DUSP10: variants seen among roughly 807,000 people sequenced by gnomAD.
DUSP10 encodes dual specificity protein phosphatase 10.
A neutral mutation model predicts 30.8 loss-of-function variants in DUSP10; 14 were observed. The ratio of observed to expected loss-of-function variants is 0.46; its 90% confidence interval spans 0.30 to 0.71. The LOEUF (loss-of-function observed/expected upper bound fraction) is 0.71. DUSP10 is among the 30% of genes least tolerant of loss of function. The pLI, the probability that DUSP10 is intolerant of heterozygous loss-of-function variation, is 0.08. For synonymous variants in DUSP10, 254 were observed against 250.4 expected, an observed-to-expected ratio of 1.01 and a Z score of -0.14; for missense variants, 550 against 619.4, an observed-to-expected ratio of 0.89 and a Z score of 1.19.
At chr1:221,705,347 G>T (rs945482060) in intron 3 of DUSP10, among the ~76,000 whole-genome samples, 7 of 152,132 alleles carry the variant, frequency 4.6e-5, no homozygotes, top group African/African-American at 1.7e-4. Context: ...CTGACCTCAG[G>T]TGATCCACCC....
At position 221,739,217 on chromosome 1, in the gene DUSP10, G is replaced by A. The variant is rs1406572567; in HGVS notation, c.528C>T (p.Asp176=). ...HLPSQGPVII[D]CRPFMEYNKS... ...TGTTGTACTCCATGAAGGGCCTGCA[G>A]TCAATGATGACAGGGCCCTGACTCG... Residue 176 remains aspartate, a synonymous_variant, in exon 2 of 4, where the codon GAC becomes GAT. Coordinates refer to ENST00000366899, the MANE Select transcript of DUSP10 (RefSeq NM_007207.6). 5.6e-6 allele frequency: 9 copies of A among 1,614,108 alleles called. No homozygotes were observed. The highest frequency in any genetic ancestry group is 7.6e-6 in the Non-Finnish European group (9 of 1,180,054).
At chr1:221,736,776 C>G in intron 2 of DUSP10, 1 of 979,036 alleles carries the variant, frequency 1.0e-6, no homozygotes, top group Non-Finnish European at 1.2e-6. Context: ...CACTCCTGAA[C>G]TACATATTTT....
At chr1:221,718,178 C>T (rs1042500872) in intron 2 of DUSP10, among the ~76,000 whole-genome samples, 3 of 151,962 alleles carry the variant, frequency 2.0e-5, no homozygotes, top group Non-Finnish European at 4.4e-5. Context: ...AAAAGGCAAG[C>T]GCAGTAAGCC....
intron 2 of DUSP10, among the ~76,000 whole-genome samples, chr1:221,732,994 C>G (rs1661662107): frequency 6.6e-6 from 1 of 152,208 alleles, no homozygotes. Context: ...TAGAATTTCT[C>G]TCCTTAATAT....
chr1:221,734,391 G>A (rs1661703619), intron 2 of DUSP10, among the ~76,000 whole-genome samples: 1 of 152,140 alleles, frequency 6.6e-6, no homozygotes, highest in African/African-American at 2.4e-5. Flanking sequence ...TTAGGCCATA[G>A]CAACACACAC....
chr1:221,730,157 G>A (rs1661540092), intron 2 of DUSP10, among the ~76,000 whole-genome samples: 1 of 151,854 alleles, frequency 6.6e-6, no homozygotes, highest in South Asian at 2.1e-4. Context: ...CTCAATGGTA[G>A]TGAAGCTCAG....
chr1:221,735,441 C>T (rs146091581), intron 2 of DUSP10, among the ~76,000 whole-genome samples: 253 of 152,202 alleles, frequency 1.7e-3, no homozygotes, highest in Non-Finnish European at 2.8e-3. Context: ...CAAGTGTTTA[C>T]GAGTGAAAAT....
chr1:221,717,661 T>C (rs1661148661), intron 2 of DUSP10, among the ~76,000 whole-genome samples: 1 of 152,122 alleles, frequency 6.6e-6, no homozygotes, highest in Non-Finnish European at 1.5e-5. Context: ...CGTGAGGTCA[T>C]GAGGGTAGGG....
At chr1:221,703,219 GTA>G (rs113205295) in intron 3 of DUSP10, among the ~76,000 whole-genome samples, 4,245 of 149,264 alleles carry the variant, frequency 0.028, 150 homozygotes, top group African/African-American at 0.083. Context: ...GTGTGTGTGT[GTA>G]TATATATATA....
intron 2 of DUSP10, among the ~76,000 whole-genome samples, chr1:221,707,830 A>C (rs1021248989): frequency 1.3e-5 from 2 of 152,230 alleles, no homozygotes; most frequent in African/African-American, 2.4e-5. Context: ...AAAGCTAAGT[A>C]AAAAACATTG....
At chr1:221,730,409 A>T (rs7511666) in intron 2 of DUSP10, among the ~76,000 whole-genome samples, 3,539 of 152,246 alleles carry the variant, frequency 0.023, 137 homozygotes, top group African/African-American at 0.081. Context: ...GCAATGGACA[A>T]CAGATGCCTG....
At chr1:221,718,705 A>G (rs1240954515) in intron 2 of DUSP10, among the ~76,000 whole-genome samples, 2 of 152,250 alleles carry the variant, frequency 1.3e-5, no homozygotes, top group Non-Finnish European at 2.9e-5. Context: ...CCCACTGTAC[A>G]AAAGGAAAAC....
At chr1:221,736,157 G>A (rs1239256083) in intron 2 of DUSP10, among the ~76,000 whole-genome samples, 1 of 152,132 alleles carries the variant, frequency 6.6e-6, no homozygotes, top group African/African-American at 2.4e-5. Context: ...TACTAAAATG[G>A]CAAGTTAGCA....
At chr1:221,731,898 C>A (rs923024727) in intron 2 of DUSP10, among the ~76,000 whole-genome samples, 14 of 151,874 alleles carry the variant, frequency 9.2e-5, no homozygotes, top group Non-Finnish European at 1.9e-4. Context: ...TGAGCCACCA[C>A]ACCCGGCTGG....
chr1:221,725,270 C>T (rs557846062), intron 2 of DUSP10, among the ~76,000 whole-genome samples: 1 of 152,212 alleles, frequency 6.6e-6, no homozygotes. Flanking sequence ...ATTTAGGCAA[C>T]TTTGTAGCAT....
chr1:221,723,133 C>A (rs140801503), intron 2 of DUSP10, among the ~76,000 whole-genome samples: 1 of 152,164 alleles, frequency 6.6e-6, no homozygotes, highest in Admixed American at 6.5e-5. Context: ...TTGTCACCAC[C>A]GCTAACATGA....
chr1:221,728,120 A>G (rs943373541), intron 2 of DUSP10, among the ~76,000 whole-genome samples: 6 of 152,156 alleles, frequency 3.9e-5, no homozygotes, highest in Admixed American at 3.3e-4. Flanking sequence ...CTTGCTCATC[A>G]TGTGATACCC....
chr1:221,708,393 C>T (rs1660830115), intron 2 of DUSP10, among the ~76,000 whole-genome samples: 1 of 152,142 alleles, frequency 6.6e-6, no homozygotes, highest in Non-Finnish European at 1.5e-5. Context: ...ACCAATGGAC[C>T]CGGAGCTGGC....
chr1:221,714,031 C>G (rs1326157241), intron 2 of DUSP10, among the ~76,000 whole-genome samples: 6 of 152,114 alleles, frequency 3.9e-5, no homozygotes, highest in African/African-American at 1.4e-4. Context: ...TTTAGTTCAT[C>G]TAACCAAGTA....
Sources: gnomAD v4.1 joint callset for allele counts (sites outside exome capture counted in the v4.1 genomes callset) on GRCh38, gnomAD v4.1.1 for gene constraint, MANE v1.5 for transcripts, NCBI Gene and HGNC (gene_info 2026-07-23, HGNC 2026-07-21) for gene names.